TCF4: variants seen among roughly 807,000 people sequenced by gnomAD.
The protein encoded by TCF4 is SL3-3 enhancer factor 2.
A neutral mutation model predicts 82.1 loss-of-function variants in TCF4; 3 were observed. That is an observed-to-expected ratio of 0.04 (90% CI 0.02 to 0.09). The LOEUF (loss-of-function observed/expected upper bound fraction) is 0.09. Among genes scored for constraint, TCF4 ranks in the 10% least tolerant of loss-of-function variants. The probability of loss-of-function intolerance (pLI) is 1.00; values close to 1 mark genes in which losing one functional copy is unlikely to be tolerated. For missense variants in TCF4, 518 were observed against 852.7 expected (o/e 0.61, Z 4.89); for synonymous variants, 276 against 309.6 (o/e 0.89, Z 1.14).
intron 17 of TCF4, chr18:55,231,520 C>T (rs1401883513): frequency 6.6e-6 from 1 of 152,198 alleles, no homozygotes; most frequent in Non-Finnish European, 1.5e-5. Context: ...AATCCATTAA[C>T]ATGCATAAGT....
chr18:55,532,938 TACATAAAGGTATTATAAA>T (rs1013302399), intron 3 of TCF4, among the ~76,000 whole-genome samples: 1 of 152,128 alleles, frequency 6.6e-6, no homozygotes, highest in Non-Finnish European at 1.5e-5. Flanking sequence ...AATAGGGATG[TACATAAAGGTATTATAAA>T]ACATGGAAAA....
At chr18:55,365,739 A>C (rs2082420685) in intron 6 of TCF4, among the ~76,000 whole-genome samples, 3 of 152,166 alleles carry the variant, frequency 2.0e-5, no homozygotes, top group Admixed American at 2.0e-4. Flanking sequence ...ATCTCTACTA[A>C]AAATATAAAA....
At chr18:55,261,267 A>C in intron 12 of TCF4, 199 bp downstream of exon 12, 7 of 659,886 alleles carry the variant, frequency 1.1e-5, no homozygotes, top group African/African-American at 1.9e-5. Context: ...TACCATTTTG[A>C]GGATGAGAGA....
chr18:55,234,151 C>T (rs1402072475), intron 16 of TCF4, among the ~76,000 whole-genome samples: 1 of 152,114 alleles, frequency 6.6e-6, no homozygotes, highest in East Asian at 1.9e-4. Flanking sequence ...TTAAATGCAC[C>T]TATATTTCCT....
At chr18:55,494,198 T>G (rs542989083) in intron 3 of TCF4, among the ~76,000 whole-genome samples, 7 of 109,104 alleles carry the variant, frequency 6.4e-5, no homozygotes, top group Admixed American at 1.8e-4. Flanking sequence ...GTCAGGCATG[T>G]ACAACCAGGA....
At chr18:55,358,348 A>G (rs984128557) in intron 6 of TCF4, among the ~76,000 whole-genome samples, 4 of 152,232 alleles carry the variant, frequency 2.6e-5, no homozygotes, top group African/African-American at 9.6e-5. Flanking sequence ...TAGTATTAGC[A>G]TAGGTAGTAA....
chr18:55,455,417 CAAATA>C (rs2095725781), intron 5 of TCF4, among the ~76,000 whole-genome samples: 1 of 150,124 alleles, frequency 6.7e-6, no homozygotes, highest in African/African-American at 2.5e-5. Flanking sequence ...AAAGTAAAAT[CAAATA>C]AGACCACAAT....
chr18:55,504,853 A>C (rs2096736373), intron 3 of TCF4, among the ~76,000 whole-genome samples: 1 of 152,182 alleles, frequency 6.6e-6, no homozygotes, highest in South Asian at 2.1e-4. Context: ...TGGCAGAAAA[A>C]CCGTAATTCA....
chr18:55,407,649 T>TAAA (rs60748072), intron 5 of TCF4, among the ~76,000 whole-genome samples: 3 of 132,662 alleles, frequency 2.3e-5, no homozygotes, highest in Non-Finnish European at 3.3e-5. Context: ...AACTTCCATA[T>TAAA]AAAAAAAAAA....
chr18:55,468,059 G>A (rs564237844), intron 3 of TCF4, among the ~76,000 whole-genome samples: 3 of 152,254 alleles, frequency 2.0e-5, no homozygotes, highest in South Asian at 4.1e-4. Context: ...CCAGCTGAAC[G>A]TTCCCTCCTG....
chr18:55,352,383 G>T (rs2082495747), intron 6 of TCF4, among the ~76,000 whole-genome samples: 1 of 152,026 alleles, frequency 6.6e-6, no homozygotes, highest in Admixed American at 6.6e-5. Flanking sequence ...ATTCCAAGGG[G>T]TTTTTCTGAG....
At chr18:55,355,165 T>A (rs1289901390) in intron 6 of TCF4, among the ~76,000 whole-genome samples, 2 of 152,178 alleles carry the variant, frequency 1.3e-5, no homozygotes, top group African/African-American at 2.4e-5. Flanking sequence ...TTTAAAATGT[T>A]AATATGGAAA....
chr18:55,589,004 TA>T (rs1357378475), upstream of TCF4, among the ~76,000 whole-genome samples: 1 of 152,142 alleles, frequency 6.6e-6, no homozygotes, highest in East Asian at 1.9e-4. Context: ...CATCACTTTT[TA>T]GGATAAAATT....
At chr18:55,521,437 C>T (rs1011129058) in intron 3 of TCF4, among the ~76,000 whole-genome samples, 1 of 152,132 alleles carries the variant, frequency 6.6e-6, no homozygotes, top group Non-Finnish European at 1.5e-5. Flanking sequence ...CTTTACAACA[C>T]CAAAAGCAAA....
At chr18:55,488,991 C>A (rs1198864561) in intron 3 of TCF4, among the ~76,000 whole-genome samples, 1 of 152,182 alleles carries the variant, frequency 6.6e-6, no homozygotes, top group African/African-American at 2.4e-5. Context: ...TGTGGCAGTT[C>A]ATTCTCTAAA....
chr18:55,522,762 T>G (rs1244898796), intron 3 of TCF4, among the ~76,000 whole-genome samples: 1 of 152,132 alleles, frequency 6.6e-6, no homozygotes, highest in African/African-American at 2.4e-5. Flanking sequence ...CGCTTATGCA[T>G]GAGAAACATG....
chr18:55,364,427 C>G (rs1233331706), intron 6 of TCF4, among the ~76,000 whole-genome samples: 3 of 152,174 alleles, frequency 2.0e-5, no homozygotes, highest in Admixed American at 6.5e-5. Context: ...TCAAGTTTAA[C>G]CATTCCCTAC....
intron 8 of TCF4, among the ~76,000 whole-genome samples, chr18:55,303,312 T>A (rs1444989251): frequency 6.7e-6 from 1 of 150,150 alleles, no homozygotes; most frequent in Non-Finnish European, 1.5e-5. Flanking sequence ...TGCAACTGAG[T>A]TTACCTGATG....
upstream of TCF4, among the ~76,000 whole-genome samples, chr18:55,590,848 G>A (rs973449765): frequency 6.6e-6 from 1 of 152,230 alleles, no homozygotes; most frequent in Non-Finnish European, 1.5e-5. Flanking sequence ...TATTACTACT[G>A]TAATTTGTAT....
Sources: allele counts gnomAD v4.1 joint callset (sites outside exome capture counted in the v4.1 genomes callset), GRCh38; gene constraint gnomAD v4.1.1; transcripts MANE v1.5; gene names NCBI Gene and HGNC (gene_info 2026-07-23, HGNC 2026-07-21).